Variants in SLCO3A1 observed in about 807,000 individuals in gnomAD.
The protein encoded by SLCO3A1 is PGE1 transporter.
A neutral mutation model predicts 63.1 loss-of-function variants in SLCO3A1; 27 were observed. The observed-to-expected ratio is 0.43, with a 90% CI of 0.32 to 0.59. SLCO3A1 has a LOEUF of 0.59. Ranked by LOEUF, SLCO3A1 falls within the 20% of genes least tolerant of loss-of-function variation. The pLI, the probability that SLCO3A1 is intolerant of heterozygous loss-of-function variation, is 0.09. For synonymous variants in SLCO3A1, 473 were observed against 409.9 expected (o/e 1.15, Z -1.86); for missense variants, 773 against 945.8 (o/e 0.82, Z 2.40).
In SLCO3A1 at chr15:91,886,273, G is replaced by A. The variant is rs1897721934; in HGVS notation, c.181-29720G>A. 6.6e-6 allele frequency among the ~76,000 whole-genome samples: 1 copy of A among 152,162 alleles called. No homozygotes were observed. The highest frequency in any genetic ancestry group is 3.2e-3 in the Middle Eastern group (1 of 316). The stretch of plus-strand genomic sequence containing the variant: ...AGAGGATTGTATCTTTTTCTCACCA[G>A]CTAACTCTTACTAATTAGAAATTGA... On this transcript the variant is annotated intron_variant, in intron 1 of 9. Transcript: ENST00000318445. The surrounding 1 kb of genome is among the most constrained non-coding windows in gnomAD (Gnocchi z 4.9).
rs749640555 is a variant in SLCO3A1 at position 91,916,223 on chromosome 15, G to A, written c.411G>A (p.Ala137=). ...TGACCCACCAGTACAAGTACGAGGC[G>A]GGCGAGATCCGCTGGGGCGCCGAGG... ...EFLTHQYKYE[A]GEIRWGAEGR... Residue 137 remains alanine, a synonymous_variant, in exon 2 of 10, where the codon GCG becomes GCA. Coordinates refer to ENST00000318445, the MANE Select transcript of SLCO3A1 (RefSeq NM_013272.4). The surrounding 1 kb of genome is among the most constrained non-coding windows in gnomAD (Gnocchi z 6.2). 3.0e-5 allele frequency: 48 copies of A among 1,577,584 alleles called. No homozygotes were observed. Among genetic ancestry groups the A allele is most frequent in the Non-Finnish European group, 9.5e-6 (11 of 1,163,734 alleles).
chr15:92,104,756 G>T (rs1596105470), intron 4 of SLCO3A1, among the ~76,000 whole-genome samples: 1 of 152,082 alleles, frequency 6.6e-6, no homozygotes, highest in East Asian at 1.9e-4. Flanking sequence ...AAATAAAGTA[G>T]CTACCATTTG....
At chr15:91,934,366 C>T (rs1159366501) in intron 2 of SLCO3A1, among the ~76,000 whole-genome samples, 1 of 152,164 alleles carries the variant, frequency 6.6e-6, no homozygotes, top group African/African-American at 2.4e-5. Flanking sequence ...CAGGGTCTTG[C>T]ATTCTTGGCA....
Position 92,120,556 on chromosome 15 carries a change from C to T in SLCO3A1, c.1101C>T (p.Gly367=), listed in dbSNP as rs1402967813. 1 of 1,613,978 alleles carries T rather than the reference C, an allele frequency of 6.2e-7. No individual in the cohort carries two copies. The highest frequency in any genetic ancestry group is 8.5e-7 in the Non-Finnish European group (1 of 1,180,006). ...GCATGGAGATTGCAGTGGTGGCTGGCTTCGCTGCCTTTTTGGGGAAGTACC... is the reference window on the plus strand; with the variant it reads ...GCATGGAGATTGCAGTGGTGGCTGGTTTCGCTGCCTTTTTGGGGAAGTACC... ...AACMEIAVVA[G]FAAFLGKYLE... The change falls in exon 5 of 10, where the codon GGC becomes GGT. Residue 367 remains glycine (G), a synonymous_variant. Coordinates refer to ENST00000318445, the MANE Select transcript of SLCO3A1 (RefSeq NM_013272.4).
Position 91,953,209 on chromosome 15 carries a change from A to G in SLCO3A1, c.646+36751A>G, listed in dbSNP as rs539617245. 4.2e-4 allele frequency among the ~76,000 whole-genome samples: 64 copies of G among 152,330 alleles called. 1 individual carries two copies. The South Asian group carries it at 0.013, about 30-fold the overall frequency. ...AACGTAAGATAAACTGTCATCTTAG[A>G]AAGCATCATTCACTGACTCGCTCAT... On this transcript the variant is annotated intron_variant, in intron 2 of 9. Coordinates refer to ENST00000318445, the MANE Select transcript of SLCO3A1 (RefSeq NM_013272.4).
intron 7 of SLCO3A1, among the ~76,000 whole-genome samples, chr15:92,130,841 C>T (rs938156852): frequency 6.6e-6 from 1 of 150,378 alleles, no homozygotes; most frequent in African/African-American, 2.5e-5. Context: ...TACTCCCTCC[C>T]TCGCCCCCTT....
At chr15:91,877,264 C>T (rs902358163) in intron 1 of SLCO3A1, among the ~76,000 whole-genome samples, 1 of 152,086 alleles carries the variant, frequency 6.6e-6, no homozygotes, top group Non-Finnish European at 1.5e-5. Flanking sequence ...GATGGCTGTT[C>T]TCCTTGTATA....
At chr15:92,143,915 C>G (rs953442843) in intron 7 of SLCO3A1, among the ~76,000 whole-genome samples, 22 of 152,170 alleles carry the variant, frequency 1.4e-4, no homozygotes, top group Non-Finnish European at 2.4e-4. Context: ...CTCAGGAGAT[C>G]TGATGGGCAC....
downstream of SLCO3A1, chr15:92,166,024 CAAAG>C (rs767775888): frequency 2.5e-6 from 1 of 407,312 alleles, no homozygotes; most frequent in Non-Finnish European, 3.3e-6. Context: ...TACGTAGAGA[CAAAG>C]AAGGTTTGGG....
At chr15:91,988,140 C>CGCCTATA (rs1187258964) in intron 2 of SLCO3A1, among the ~76,000 whole-genome samples, 3 of 152,068 alleles carry the variant, frequency 2.0e-5, no homozygotes, top group African/African-American at 7.2e-5. Context: ...CGGTGGTGCA[C>CGCCTATA]GCCTATAATT....
chr15:91,928,266 G>A (rs1412158097), intron 2 of SLCO3A1, among the ~76,000 whole-genome samples: 1 of 152,212 alleles, frequency 6.6e-6, no homozygotes, highest in African/African-American at 2.4e-5. Context: ...TGGGGTCGCA[G>A]CTGTTATGAC....
In SLCO3A1 at chr15:91,875,161, A is replaced by G. The variant is rs1317447421; in HGVS notation, c.180+21073A>G. The stretch of plus-strand genomic sequence containing the variant: ...CTGAGTAGGCTCTGACTTGGTTACC[A>G]GTGATCTCTACCATTTACTGAGCAT... On this transcript the variant is annotated intron_variant, in intron 1 of 9. Transcript: ENST00000318445. The surrounding 1 kb of genome is among the most constrained non-coding windows in gnomAD (Gnocchi z 4.5). Among the ~76,000 whole-genome samples, 1 of 152,224 alleles carries G rather than the reference A, an allele frequency of 6.6e-6. No individual in the cohort carries two copies. Among genetic ancestry groups the G allele is most frequent in the Non-Finnish European group, 1.5e-5 (1 of 68,036 alleles).
At chr15:92,015,613 C>T (rs2046417450) in intron 2 of SLCO3A1, among the ~76,000 whole-genome samples, 1 of 152,106 alleles carries the variant, frequency 6.6e-6, no homozygotes, top group Non-Finnish European at 1.5e-5. Flanking sequence ...GGACAGCTTT[C>T]ACTCCCAAGG....
At chr15:91,970,861 C>A (rs149872445) in intron 2 of SLCO3A1, among the ~76,000 whole-genome samples, 1 of 152,162 alleles carries the variant, frequency 6.6e-6, no homozygotes, top group Non-Finnish European at 1.5e-5. Context: ...GCTACTAATG[C>A]CCAACCAGAT....
intron 7 of SLCO3A1, among the ~76,000 whole-genome samples, chr15:92,136,595 A>G (rs1178226667): frequency 1.3e-5 from 2 of 152,244 alleles, no homozygotes; most frequent in Non-Finnish European, 2.9e-5. Flanking sequence ...TGGAACAGAA[A>G]TACAGTTTTC....
chr15:92,106,849 C>G (rs1567123715), intron 4 of SLCO3A1, among the ~76,000 whole-genome samples: 1 of 152,186 alleles, frequency 6.6e-6, no homozygotes, highest in Non-Finnish European at 1.5e-5. Context: ...AGGAAAGGGT[C>G]AGCGGCAGAG....
chr15:92,034,717 G>C (rs958439534), intron 2 of SLCO3A1, among the ~76,000 whole-genome samples: 6 of 151,840 alleles, frequency 4.0e-5, no homozygotes, highest in African/African-American at 1.4e-4. Context: ...GCGACCATTG[G>C]ATTCACCCAC....
chr15:91,910,435 G>C (rs1445469258), intron 1 of SLCO3A1, among the ~76,000 whole-genome samples: 1 of 152,230 alleles, frequency 6.6e-6, no homozygotes, highest in African/African-American at 2.4e-5. Context: ...ATCTATCACA[G>C]AGCAGGCACT....
chr15:92,091,472 G>A (rs1449375913), intron 2 of SLCO3A1, among the ~76,000 whole-genome samples: 2 of 152,190 alleles, frequency 1.3e-5, no homozygotes, highest in Non-Finnish European at 2.9e-5. Flanking sequence ...CAAAATCACA[G>A]CCTGGCAGGA....
Sources: gnomAD v4.1 joint callset for allele counts (sites outside exome capture counted in the v4.1 genomes callset) on GRCh38, gnomAD v4.1.1 for gene constraint, Gnocchi (gnomAD v3.1) non-coding constraint, MANE v1.5 for transcripts, NCBI Gene and HGNC (gene_info 2026-07-23, HGNC 2026-07-21) for gene names.